PLXNA4: variants seen among roughly 807,000 people sequenced by gnomAD.
PLXNA4 encodes the protein plexin A4.
In PLXNA4, 44 loss-of-function variants were observed where a neutral mutation model predicts 191.8. The observed-to-expected ratio is 0.23, with a 90% CI of 0.18 to 0.29. The LOEUF is 0.29. PLXNA4 is among the 10% of genes least tolerant of loss of function. PLXNA4 has a pLI of 1.00. For missense variants in PLXNA4, 1,800 were observed against 2,488.8 expected (o/e 0.72, Z 5.89); for synonymous variants, 1,082 against 1,009.5 (o/e 1.07, Z -1.36).
chr7:132,181,743 T>A, intron 17 of PLXNA4, 123 bp from the exon 18 acceptor site: 1 of 1,468,302 alleles, frequency 6.8e-7, no homozygotes, highest in Non-Finnish European at 9.0e-7. Flanking sequence ...GGATTAGAGA[T>A]GAGTCAGGGC....
At chr7:132,142,379 T>C (rs1430990829) in intron 29 of PLXNA4, among the ~76,000 whole-genome samples, 1 of 152,232 alleles carries the variant, frequency 6.6e-6, no homozygotes, top group African/African-American at 2.4e-5. Flanking sequence ...CTGATGGTAA[T>C]AGTTAGAATA....
At chr7:132,522,409 T>C (rs1381635754) in intron 1 of PLXNA4, among the ~76,000 whole-genome samples, 1 of 152,204 alleles carries the variant, frequency 6.6e-6, no homozygotes, top group Non-Finnish European at 1.5e-5. Context: ...TCATTAACTT[T>C]CCCAAAGTCA....
rs116746491 is a variant in PLXNA4, at chr7:132,429,048, C to T, written c.1371+60244G>A. On this transcript the variant is annotated intron_variant, in intron 3 of 31. Coordinates refer to ENST00000321063, the MANE Select transcript of PLXNA4 (RefSeq NM_020911.2). ...GCCTCCAGCTCAGGGCCTCAAAGGACGGCTCAGAAAGTCCTCATGCAATGC... is the reference window on the plus strand; with the variant it reads ...GCCTCCAGCTCAGGGCCTCAAAGGATGGCTCAGAAAGTCCTCATGCAATGC... 8.1e-3 allele frequency among the ~76,000 whole-genome samples: 1,235 copies of T among 152,166 alleles called. 15 individuals carry two copies. Among genetic ancestry groups the T allele is most frequent in the African/African-American group, 0.028 (1,165 of 41,498 alleles).
At chr7:132,293,025 G>A (rs1294118983) in intron 4 of PLXNA4, among the ~76,000 whole-genome samples, 1 of 152,180 alleles carries the variant, frequency 6.6e-6, no homozygotes, top group Non-Finnish European at 1.5e-5. Flanking sequence ...CTGGTACACG[G>A]AGAGCCAGGG....
chr7:132,361,150 G>A (rs1803925587), intron 3 of PLXNA4, among the ~76,000 whole-genome samples: 1 of 152,106 alleles, frequency 6.6e-6, no homozygotes, highest in Non-Finnish European at 1.5e-5. Context: ...GAACTCATGG[G>A]GTACTTTCCA....
chr7:132,497,480 C>A (rs1425441287), intron 2 of PLXNA4, among the ~76,000 whole-genome samples: 1 of 152,188 alleles, frequency 6.6e-6, no homozygotes, highest in Admixed American at 6.5e-5. Context: ...GTAGAAATAT[C>A]TCTGGGAGTC....
At chr7:132,462,642 A>G (rs929755946) in intron 3 of PLXNA4, among the ~76,000 whole-genome samples, 1 of 151,980 alleles carries the variant, frequency 6.6e-6, no homozygotes, top group Non-Finnish European at 1.5e-5. Flanking sequence ...GGGTCTCACT[A>G]TGTTGCCCAG....
chr7:132,261,479 A>G (rs1483999068), intron 4 of PLXNA4, among the ~76,000 whole-genome samples: 1 of 152,164 alleles, frequency 6.6e-6, no homozygotes, highest in East Asian at 1.9e-4. Context: ...CAGACACACC[A>G]CACTATTTAT....
At chr7:132,504,590 T>A (rs1014789670) in intron 2 of PLXNA4, among the ~76,000 whole-genome samples, 2 of 152,224 alleles carry the variant, frequency 1.3e-5, no homozygotes, top group African/African-American at 4.8e-5. Flanking sequence ...GTTGTAACTA[T>A]GATAAAACCC....
intron 22 of PLXNA4, 92 bp downstream of exon 22, chr7:132,168,212 C>G: frequency 1.4e-6 from 2 of 1,415,070 alleles, no homozygotes; most frequent in South Asian, 1.6e-5. Context: ...CATGGCTGCT[C>G]TCCTAGGAGC....
chr7:132,579,551 C>T (rs111887909), upstream of PLXNA4, among the ~76,000 whole-genome samples: 4,275 of 143,558 alleles, frequency 0.03, 202 homozygotes, highest in African/African-American at 0.096. Flanking sequence ...CCAGAGGTGG[C>T]AAATAAAATG....
intron 3 of PLXNA4, among the ~76,000 whole-genome samples, chr7:132,354,235 T>G (rs1803610427): frequency 6.6e-6 from 1 of 152,106 alleles, no homozygotes; most frequent in Non-Finnish European, 1.5e-5. Flanking sequence ...CTGTGCATAT[T>G]AAGGGGTTTA....
chr7:132,635,332 A>G (rs1347861416), intron 2 of PLXNA4, among the ~76,000 whole-genome samples: 1 of 152,038 alleles, frequency 6.6e-6, no homozygotes, highest in Non-Finnish European at 1.5e-5. Context: ...TCTCAATGCC[A>G]GCACAGCACC....
At chr7:132,486,360 G>A (rs992131830) in intron 3 of PLXNA4, among the ~76,000 whole-genome samples, 3 of 152,122 alleles carry the variant, frequency 2.0e-5, no homozygotes, top group African/African-American at 4.8e-5. Flanking sequence ...GTGAGTGGGG[G>A]TGGGGAATTC....
At chr7:132,562,259 CTTCT>C (rs1320470929) in intron 1 of PLXNA4, among the ~76,000 whole-genome samples, 27 of 127,714 alleles carry the variant, frequency 2.1e-4, no homozygotes, top group Non-Finnish European at 2.9e-4. Context: ...TCCTCCTCCT[CTTCT>C]TTCTCTGCCT....
At chr7:132,620,330 T>A (rs1244151302) in intron 2 of PLXNA4, among the ~76,000 whole-genome samples, 2 of 152,234 alleles carry the variant, frequency 1.3e-5, no homozygotes, top group Non-Finnish European at 2.9e-5. Flanking sequence ...TTGTTCAAGG[T>A]CTTAAAATGT....
chr7:132,155,490 C>T (rs1795764372), intron 25 of PLXNA4, among the ~76,000 whole-genome samples: 1 of 152,230 alleles, frequency 6.6e-6, no homozygotes, highest in Admixed American at 6.5e-5. Flanking sequence ...AAGCCTGGCA[C>T]AGAGCTGGCC....
At chr7:132,559,244 A>G (rs1162234480) in intron 1 of PLXNA4, among the ~76,000 whole-genome samples, 1 of 152,152 alleles carries the variant, frequency 6.6e-6, no homozygotes, top group East Asian at 1.9e-4. Context: ...CATGAGGAGG[A>G]ATGAACAGAA....
At chr7:132,447,274 C>T (rs1795947813) in intron 3 of PLXNA4, among the ~76,000 whole-genome samples, 1 of 152,156 alleles carries the variant, frequency 6.6e-6, no homozygotes, top group African/African-American at 2.4e-5. Flanking sequence ...TGTGTCAGAA[C>T]TCAGTGCCCT....
Sources: gnomAD v4.1 joint callset for allele counts (sites outside exome capture counted in the v4.1 genomes callset) on GRCh38, gnomAD v4.1.1 for gene constraint, MANE v1.5 for transcripts, NCBI Gene and HGNC (gene_info 2026-07-23, HGNC 2026-07-21) for gene names.